KIAA1328: variants seen among roughly 807,000 people sequenced by gnomAD.
The protein encoded by KIAA1328 is protein hinderin.
KIAA1328 carries 52 observed loss-of-function variants against 68.1 expected under a neutral mutation model. The ratio of observed to expected loss-of-function variants is 0.76; its 90% CI spans 0.61 to 0.96. The LOEUF (loss-of-function observed/expected upper bound fraction) is 0.96, where lower values mean the gene tolerates loss of function less well. Ranked by LOEUF, KIAA1328 falls within the 40% of genes least tolerant of loss-of-function variation. The pLI, the probability that KIAA1328 is intolerant of heterozygous loss-of-function variation, is 0.00. For synonymous variants in KIAA1328, 232 were observed against 239.4 expected, an observed-to-expected ratio of 0.97 and a Z score of 0.28; for missense variants, 641 against 677.6, an observed-to-expected ratio of 0.95 and a Z score of 0.60.
At chr18:37,034,253 A>G (rs2054943350) in intron 6 of KIAA1328, among the ~76,000 whole-genome samples, 1 of 152,212 alleles carries the variant, frequency 6.6e-6, no homozygotes, top group Admixed American at 6.5e-5. Context: ...TGTAATACAA[A>G]AAAAGGTATA....
chr18:36,853,087 T>G (rs1321919882), intron 4 of KIAA1328, among the ~76,000 whole-genome samples: 1 of 152,224 alleles, frequency 6.6e-6, no homozygotes, highest in Non-Finnish European at 1.5e-5. Flanking sequence ...GATATTAATA[T>G]AGCAAACTAA....
At chr18:37,114,226 G>T (rs775465630) in intron 7 of KIAA1328, among the ~76,000 whole-genome samples, 7 of 152,062 alleles carry the variant, frequency 4.6e-5, no homozygotes, top group Non-Finnish European at 8.8e-5. Flanking sequence ...GCACCACGTC[G>T]CACTTATTCC....
At chr18:36,855,436 C>G (rs2047351712) in intron 4 of KIAA1328, among the ~76,000 whole-genome samples, 1 of 151,950 alleles carries the variant, frequency 6.6e-6, no homozygotes, top group African/African-American at 2.4e-5. Context: ...TGCTTGTTGT[C>G]CATTTGTGAA....
chr18:36,831,802 T>C (rs1341522665), intron 1 of KIAA1328, among the ~76,000 whole-genome samples: 2 of 152,188 alleles, frequency 1.3e-5, no homozygotes, highest in East Asian at 1.9e-4. Flanking sequence ...ACTGAACTTA[T>C]TTCCTTCAAA....
chr18:37,046,895 C>G (rs2055492648), intron 6 of KIAA1328, among the ~76,000 whole-genome samples: 1 of 152,160 alleles, frequency 6.6e-6, no homozygotes, highest in South Asian at 2.1e-4. Flanking sequence ...CTTTGGAAGG[C>G]CAAGACGGGT....
At chr18:36,998,321 C>T (rs1202414404) in intron 6 of KIAA1328, among the ~76,000 whole-genome samples, 1 of 152,108 alleles carries the variant, frequency 6.6e-6, no homozygotes, top group Non-Finnish European at 1.5e-5. Flanking sequence ...CTGGTGTGCC[C>T]AGCCCATTTC....
intron 4 of KIAA1328, among the ~76,000 whole-genome samples, chr18:36,885,221 A>G (rs2048457498): frequency 6.6e-6 from 1 of 151,562 alleles, no homozygotes; most frequent in Non-Finnish European, 1.5e-5. Context: ...TTTGGTAACA[A>G]AAAAATGAAA....
chr18:37,141,217 C>T (rs2058757602), intron 7 of KIAA1328, among the ~76,000 whole-genome samples: 1 of 152,144 alleles, frequency 6.6e-6, no homozygotes, highest in Non-Finnish European at 1.5e-5. Flanking sequence ...TTCATCACCC[C>T]ACAAAGCACC....
intron 5 of KIAA1328, among the ~76,000 whole-genome samples, chr18:36,910,309 G>A (rs1175976111): frequency 6.6e-6 from 1 of 152,116 alleles, no homozygotes. Context: ...TAAAGTGTAA[G>A]GAAGGGATCC....
intron 7 of KIAA1328, among the ~76,000 whole-genome samples, chr18:37,086,332 C>T (rs2057102901): frequency 6.6e-6 from 1 of 152,168 alleles, no homozygotes; most frequent in South Asian, 2.1e-4. Context: ...CAAAACATCA[C>T]TTTGTATACA....
At chr18:36,990,561 T>C (rs8099809) in intron 6 of KIAA1328, among the ~76,000 whole-genome samples, 111,140 of 151,682 alleles carry the variant, frequency 0.73, 43,864 homozygotes, top group South Asian at 0.89. Context: ...GTAATCCCAG[T>C]TCGGGAGGCT....
intron 9 of KIAA1328, among the ~76,000 whole-genome samples, chr18:37,199,134 C>G (rs530557195): frequency 3.5e-4 from 53 of 152,242 alleles, no homozygotes; most frequent in African/African-American, 1.2e-3. Flanking sequence ...GCAGGATGTA[C>G]AGGTTTGTTA....
chr18:36,915,404 G>A (rs147371392), intron 5 of KIAA1328, among the ~76,000 whole-genome samples: 171 of 152,172 alleles, frequency 1.1e-3, no homozygotes, highest in African/African-American at 3.8e-3. Context: ...CTATTCTCCC[G>A]TAGGTTGGGG....
rs2060617772 is a variant in KIAA1328, at chr18:37,224,744, C to T, written c.*2517C>T. On this transcript the variant is annotated 3_prime_UTR_variant, in exon 10 of 10. Coordinates refer to ENST00000280020, the MANE Select transcript of KIAA1328 (RefSeq NM_020776.3). ...CACCCTTGACTGGTTGGGATTTGCTCGTCCAGCCTCTAGACACTTCCCAAA... is the reference window on the plus strand; with the variant it reads ...CACCCTTGACTGGTTGGGATTTGCTTGTCCAGCCTCTAGACACTTCCCAAA... 8.1e-6 allele frequency: 8 copies of T among 985,430 alleles called. No individual in the cohort carries two copies. Among genetic ancestry groups the T allele is most frequent in the Non-Finnish European group, 9.6e-6 (8 of 829,942 alleles). 61.0% of individuals were successfully genotyped at this position (985,430 alleles called of 1,614,324 possible). A position where few individuals can be genotyped will look rare whatever the true frequency, so the allele number is the denominator to read the frequency against.
At chr18:36,934,703 T>C (rs1001170813) in intron 5 of KIAA1328, among the ~76,000 whole-genome samples, 1 of 152,346 alleles carries the variant, frequency 6.6e-6, no homozygotes, top group Non-Finnish European at 1.5e-5. Context: ...AATTTTTTTT[T>C]AGTCTTTCTT....
intron 7 of KIAA1328, among the ~76,000 whole-genome samples, chr18:37,137,796 T>C (rs2058677414): frequency 6.6e-6 from 1 of 152,212 alleles, no homozygotes; most frequent in African/African-American, 2.4e-5. Flanking sequence ...TTCATTCCCA[T>C]GGCTAGATCA....
intron 5 of KIAA1328, among the ~76,000 whole-genome samples, chr18:36,914,191 G>A (rs1343959155): frequency 1.3e-5 from 2 of 152,106 alleles, no homozygotes; most frequent in African/African-American, 4.8e-5. Flanking sequence ...ATGGAGTGAA[G>A]AAATGCAAGA....
chr18:37,188,550 A>G (rs997239347), intron 9 of KIAA1328, among the ~76,000 whole-genome samples: 3 of 152,170 alleles, frequency 2.0e-5, no homozygotes, highest in Non-Finnish European at 2.9e-5. Flanking sequence ...GTTGCTGGGA[A>G]TTGCTGTGAT....
At chr18:36,939,342 AT>A (rs1199147662) in intron 5 of KIAA1328, among the ~76,000 whole-genome samples, 7 of 151,688 alleles carry the variant, frequency 4.6e-5, no homozygotes, top group Admixed American at 2.6e-4. Flanking sequence ...TTTATTTTTT[AT>A]TTTTTATGCT....
Sources: gnomAD v4.1 joint callset for allele counts (sites outside exome capture counted in the v4.1 genomes callset) on GRCh38, gnomAD v4.1.1 for gene constraint, MANE v1.5 for transcripts, NCBI Gene and HGNC (gene_info 2026-07-23, HGNC 2026-07-21) for gene names.